EPB41L5: variants seen among roughly 807,000 people sequenced by gnomAD.
EPB41L5 encodes erythrocyte membrane protein band 4.1 like 5.
A neutral mutation model predicts 106.6 loss-of-function variants in EPB41L5; 55 were observed. The observed-to-expected ratio is 0.52, with a 90% CI of 0.42 to 0.65. The LOEUF is 0.65. Ranked by LOEUF, EPB41L5 falls within the 30% of genes least tolerant of loss-of-function variation. The probability of loss-of-function intolerance (pLI) is 0.00; values close to 1 mark genes in which losing one functional copy is unlikely to be tolerated. For missense variants in EPB41L5, 871 were observed against 882.1 expected (o/e 0.99, Z 0.16); for synonymous variants, 297 against 306.7 (o/e 0.97, Z 0.33).
intron 16 of EPB41L5, among the ~76,000 whole-genome samples, chr2:120,123,357 C>T (rs150105815): frequency 2.8e-4 from 43 of 151,814 alleles, no homozygotes; most frequent in Non-Finnish European, 4.0e-4. Flanking sequence ...CAGCCCTTCA[C>T]GTGCCCCCTC....
At chr2:120,100,656 T>G (rs1455812670) in intron 15 of EPB41L5, 43 bp from the exon 16 acceptor site, 1 of 1,408,016 alleles carries the variant, frequency 7.1e-7, no homozygotes, top group Non-Finnish European at 1.0e-6. Context: ...AAGAGATCTG[T>G]TATCGAGGCA....
intron 21 of EPB41L5, among the ~76,000 whole-genome samples, chr2:120,161,182 A>G (rs1244580929): frequency 6.6e-6 from 1 of 152,048 alleles, no homozygotes; most frequent in Non-Finnish European, 1.5e-5. Context: ...GTTCAAGACC[A>G]GCCTGGGCAA....
chr2:120,022,546 G>C (rs916979866), intron 2 of EPB41L5, among the ~76,000 whole-genome samples: 1 of 152,024 alleles, frequency 6.6e-6, no homozygotes, highest in Non-Finnish European at 1.5e-5. Context: ...TATTCCATGG[G>C]GTATATGTGC....
chr2:120,126,965 T>C (rs1326676606), intron 16 of EPB41L5, among the ~76,000 whole-genome samples: 2 of 152,214 alleles, frequency 1.3e-5, no homozygotes, highest in Admixed American at 1.3e-4. Flanking sequence ...AAGTCATACA[T>C]AGCCTTTATT....
chr2:120,022,662 C>T (rs1416669486), intron 2 of EPB41L5, among the ~76,000 whole-genome samples: 1 of 152,032 alleles, frequency 6.6e-6, no homozygotes, highest in Non-Finnish European at 1.5e-5. Context: ...TGTGTCTTTA[C>T]AGTAAGATGA....
At chr2:120,109,742 T>A (rs1684634603) in intron 16 of EPB41L5, among the ~76,000 whole-genome samples, 1 of 152,242 alleles carries the variant, frequency 6.6e-6, no homozygotes, top group Non-Finnish European at 1.5e-5. Flanking sequence ...TCTACCTCTT[T>A]TGGCAATTCC....
intron 10 of EPB41L5, among the ~76,000 whole-genome samples, chr2:120,084,180 G>T (rs1682893362): frequency 6.6e-6 from 1 of 152,100 alleles, no homozygotes; most frequent in South Asian, 2.1e-4. Context: ...ATGTTAGCTG[G>T]TTATTTTGCT....
intron 2 of EPB41L5, among the ~76,000 whole-genome samples, chr2:120,027,103 G>A (rs943044083): frequency 9.2e-5 from 14 of 152,182 alleles, no homozygotes; most frequent in African/African-American, 3.1e-4. Context: ...AGACCCTGCT[G>A]GTAGGAATGT....
Position 120,170,639 on chromosome 2 carries a change from G to A in EPB41L5, c.2135+2632G>A, listed in dbSNP as rs567366673. Among the ~76,000 whole-genome samples the A allele has an allele frequency of 8.5e-5, 13 of 152,318 alleles. 2 individuals are homozygous for A. The South Asian group carries it at 2.7e-3, about 32-fold the overall frequency. On this transcript the variant is annotated intron_variant, in intron 24 of 24. Coordinates refer to ENST00000263713, the MANE Select transcript of EPB41L5 (RefSeq NM_020909.4). ...CACAATCTTGTATAGTCTAATCACA[G>A]AAATAACATCCTTTTACCTTTGCTA...
At chr2:120,024,749 A>G (rs10184349) in intron 2 of EPB41L5, among the ~76,000 whole-genome samples, 151,955 of 152,300 alleles carry the variant, frequency 1, 75,807 homozygotes, top group Middle Eastern at 1. Context: ...GTGAGCCACC[A>G]CGCCCGGCCA....
chr2:120,120,872 C>G (rs1685186794), intron 16 of EPB41L5, among the ~76,000 whole-genome samples: 1 of 152,130 alleles, frequency 6.6e-6, no homozygotes, highest in African/African-American at 2.4e-5. Flanking sequence ...TCCCAGCACC[C>G]TGGGAGGCCG....
At position 120,123,646 on chromosome 2, in the gene EPB41L5, C is replaced by CTTTT. The variant is rs869296989; in HGVS notation, c.1338-4017_1338-4014dup. ...GAATGGGGATGGGGAGTGTTCGTCC[C>CTTTT]TTTTTTTTTTTTTTTTTTTTTTTTT... On this transcript the variant is annotated intron_variant, in intron 16 of 24. Coordinates refer to ENST00000263713, the MANE Select transcript of EPB41L5 (RefSeq NM_020909.4). Among the ~76,000 whole-genome samples, 33 of 68,336 alleles carry CTTTT rather than the reference C, an allele frequency of 4.8e-4. 2 individuals carry two copies. The highest frequency in any genetic ancestry group is 1.2e-3 in the East Asian group (2 of 1,608). 44.8% of individuals were successfully genotyped at this position (68,336 alleles called of 152,430 possible). A position where few individuals can be genotyped will look rare whatever the true frequency, so the allele number is the denominator to read the frequency against.
chr2:120,024,569 GC>G, intron 2 of EPB41L5, among the ~76,000 whole-genome samples: 1 of 152,170 alleles, frequency 6.6e-6, no homozygotes, highest in East Asian at 1.9e-4. Context: ...CCATTCTGCT[GC>G]CTCAGCCTCC....
chr2:120,090,159 T>C (rs969376595), intron 11 of EPB41L5, among the ~76,000 whole-genome samples, 188 bp from the exon 12 acceptor site: 2 of 151,718 alleles, frequency 1.3e-5, no homozygotes, highest in Non-Finnish European at 2.9e-5. Context: ...AGGAATAATT[T>C]TGTATTGGCT....
intron 16 of EPB41L5, among the ~76,000 whole-genome samples, chr2:120,117,981 T>C (rs1685026717): frequency 6.6e-6 from 1 of 152,224 alleles, no homozygotes; most frequent in Non-Finnish European, 1.5e-5. Context: ...TTTCACTGTT[T>C]ACTTTTAGTA....
intron 3 of EPB41L5, among the ~76,000 whole-genome samples, chr2:120,049,064 G>A (rs13395097): frequency 0.032 from 4,882 of 152,274 alleles, 262 homozygotes; most frequent in African/African-American, 0.11. Context: ...CATTTGCCGA[G>A]GAGTGCTTTA....
chr2:120,077,468 C>A (rs764682851), intron 9 of EPB41L5, 152 bp downstream of exon 9: 6 of 493,358 alleles, frequency 1.2e-5, no homozygotes, highest in Non-Finnish European at 3.6e-6. Context: ...AGATTAAATA[C>A]CAAATGACTA....
intron 10 of EPB41L5, among the ~76,000 whole-genome samples, chr2:120,083,180 C>G (rs1682807833): frequency 6.6e-6 from 1 of 152,128 alleles, no homozygotes; most frequent in African/African-American, 2.4e-5. Flanking sequence ...TTCTCTAGTT[C>G]TTTTAATTGT....
At chr2:120,116,442 A>T (rs1469690221) in intron 16 of EPB41L5, among the ~76,000 whole-genome samples, 3 of 152,212 alleles carry the variant, frequency 2.0e-5, no homozygotes, top group African/African-American at 7.2e-5. Flanking sequence ...GAAGATTAGG[A>T]AAAGCCTTAT....
Sources: gnomAD v4.1 joint callset for allele counts (sites outside exome capture counted in the v4.1 genomes callset) on GRCh38, gnomAD v4.1.1 for gene constraint, MANE v1.5 for transcripts, NCBI Gene and HGNC (gene_info 2026-07-23, HGNC 2026-07-21) for gene names.